Variants in MKX observed in about 807,000 individuals in gnomAD.
The protein encoded by MKX is mohawk homeobox.
MKX carries 13 observed loss-of-function variants against 36.0 expected under a neutral mutation model. The ratio of observed to expected loss-of-function variants is 0.36; its 90% CI spans 0.24 to 0.57. The LOEUF (loss-of-function observed/expected upper bound fraction) is 0.57. MKX is among the 20% of genes least tolerant of loss of function. The pLI is 0.79. For synonymous variants in MKX, 176 were observed against 178.3 expected, an observed-to-expected ratio of 0.99 and a Z score of 0.10; for missense variants, 458 against 456.4, an observed-to-expected ratio of 1.00 and a Z score of -0.03.
At chr10:27,683,124 G>A (rs553970636) in intron 5 of MKX, among the ~76,000 whole-genome samples, 39 of 152,342 alleles carry the variant, frequency 2.6e-4, no homozygotes, top group African/African-American at 8.7e-4. Flanking sequence ...TAATGTGAGC[G>A]ATGGGGGAGC....
intron 5 of MKX, chr10:27,718,428 C>G (rs1277118015): frequency 5.3e-6 from 1 of 189,522 alleles, no homozygotes; most frequent in Non-Finnish European, 1.1e-5. Context: ...TTAAAATAAC[C>G]CAAGTACAAA....
In MKX at chr10:27,720,853, A is replaced by C. The variant is rs76531596; in HGVS notation, c.838+13603T>G. On this transcript the variant is annotated intron_variant, in intron 5 of 6. Coordinates refer to ENST00000419761, the MANE Select transcript of MKX (RefSeq NM_173576.3). ...AATACACAAAACTTACTATCTGAAG[A>C]TGAGATACTTGTGTACTTGAACAAT... 9.9e-4 allele frequency among the ~76,000 whole-genome samples: 150 copies of C among 152,258 alleles called. 2 individuals carry two copies. The East Asian group carries it at 0.025, about 26-fold the overall frequency.
At chr10:27,711,441 TTCTTTCTTTCTTTCTTTCTTTCTTTC>T (rs1438906914) in intron 5 of MKX, among the ~76,000 whole-genome samples, 1 of 35,708 alleles carries the variant, frequency 2.8e-5, no homozygotes, top group East Asian at 1.8e-3. Context: ...CTTTCTTTCT[TTCTTTCTTTCTTTCTTTCTTTCTTTC>T]TTTCTTTCTT....
intron 5 of MKX, among the ~76,000 whole-genome samples, chr10:27,689,834 A>G (rs1210914206): frequency 6.6e-6 from 1 of 152,154 alleles, no homozygotes; most frequent in African/African-American, 2.4e-5. Context: ...TTTAAATGAG[A>G]ACCACTCTGC....
intron 5 of MKX, among the ~76,000 whole-genome samples, chr10:27,698,929 A>G (rs547810149): frequency 6.6e-6 from 1 of 152,354 alleles, no homozygotes; most frequent in South Asian, 2.1e-4. Flanking sequence ...CTTACCACAT[A>G]TATCTAAATA....
chr10:27,678,668 C>T (rs778043361), intron 5 of MKX, among the ~76,000 whole-genome samples: 1 of 152,102 alleles, frequency 6.6e-6, no homozygotes, highest in Non-Finnish European at 1.5e-5. Flanking sequence ...GGAGCCTGCA[C>T]GTGGAAGGAG....
intron 5 of MKX, among the ~76,000 whole-genome samples, chr10:27,690,371 A>AAAAACAAAAC (rs59668453): frequency 0.41 from 61,670 of 149,808 alleles, 13,257 homozygotes; most frequent in Middle Eastern, 0.48. Context: ...CTCCATCTCA[A>AAAAACAAAAC]AAAACAAAAC....
intron 5 of MKX, among the ~76,000 whole-genome samples, chr10:27,726,943 T>C (rs963510197): frequency 2.0e-5 from 3 of 152,096 alleles, no homozygotes; most frequent in Admixed American, 6.6e-5. Context: ...GACACGGTAA[T>C]AAGCACTAGG....
intron 5 of MKX, among the ~76,000 whole-genome samples, chr10:27,717,777 A>C (rs1836991486): frequency 6.6e-6 from 1 of 152,224 alleles, no homozygotes; most frequent in Non-Finnish European, 1.5e-5. Context: ...GTAAAACTCG[A>C]CCTCATCAGC....
chr10:27,743,339 C>T lies in MKX; in HGVS notation c.77G>A (p.Gly26Asp), dbSNP rs1564369935. Residue 26 changes from glycine (G) to aspartate (D), a missense_variant, in exon 2 of 7, where the codon GGT (glycine) becomes GAT (aspartate). Coordinates refer to ENST00000419761, the MANE Select transcript of MKX (RefSeq NM_173576.3). ...CAGGACACCGCTGTAGGGCCGGCCA[C>T]CCCGCTCCCGCTCCGAGGCGCCTCC... ...EDGGASERER[G>D]GRPYSGVLDS... 1.9e-6 allele frequency: 3 copies of T among 1,584,734 alleles called. No individual in the cohort carries two copies. Among genetic ancestry groups the T allele is most frequent in the Admixed American group, 1.8e-5 (1 of 55,670 alleles).
At chr10:27,675,941 C>T (rs1042001987) in intron 5 of MKX, among the ~76,000 whole-genome samples, 12 of 152,152 alleles carry the variant, frequency 7.9e-5, no homozygotes, top group Non-Finnish European at 1.8e-4. Context: ...TTATGACCTC[C>T]CACAATGTCA....
chr10:27,714,095 G>A (rs1473088273), intron 5 of MKX, among the ~76,000 whole-genome samples: 1 of 150,690 alleles, frequency 6.6e-6, no homozygotes, highest in Non-Finnish European at 1.5e-5. Flanking sequence ...CAGGGATTAA[G>A]TCATTCATGA....
At chr10:27,699,146 A>G (rs113597279) in intron 5 of MKX, among the ~76,000 whole-genome samples, 3,551 of 152,324 alleles carry the variant, frequency 0.023, 155 homozygotes, top group African/African-American at 0.08. Context: ...AGAACAGAGG[A>G]TCTGTCTGGC....
Position 27,743,295 on chromosome 10 carries a change from G to T in MKX, c.121C>A (p.Pro41Thr). The stretch of plus-strand genomic sequence containing the variant: ...GGGCCGTCGGGAATGCCCACCTCGG[G>T]GCGGGCGTGAGGACTGTCCAGGACA... Reference protein sequence around the residue: ...SGVLDSPHARPEVGIPDGPPL... With the variant: ...SGVLDSPHARTEVGIPDGPPL... The change falls in exon 2 of 7, where the codon CCC (proline) becomes ACC (threonine). Residue 41 changes from proline to threonine, a missense_variant. By Grantham distance (38) the Pro-to-Thr change is conservative (BLOSUM62 -1). Coordinates refer to ENST00000419761, the MANE Select transcript of MKX (RefSeq NM_173576.3). 1 of 1,554,950 alleles carries T rather than the reference G, an allele frequency of 6.4e-7. No homozygotes were observed. The highest frequency in any genetic ancestry group is 8.6e-7 in the Non-Finnish European group (1 of 1,156,866).
Position 27,674,905 on chromosome 10 carries a change from T to C in MKX, c.*324A>G, listed in dbSNP as rs1564339675. 3 of 224,182 alleles carry C rather than the reference T, an allele frequency of 1.3e-5. No homozygotes were observed. Among genetic ancestry groups the C allele is most frequent in the Non-Finnish European group, 1.8e-5 (2 of 112,838 alleles). The allele number at this position is 224,182 out of a possible 1,614,324, so 13.9% of individuals were successfully genotyped here. ...TGATGCACACAGGCTAATAAGCATA[T>C]GGCGTTGGCATTTTGAGGCATAGCT... is the stretch of plus-strand genomic sequence containing the variant. On this transcript the variant is annotated 3_prime_UTR_variant, in exon 7 of 7. Coordinates refer to ENST00000419761, the MANE Select transcript of MKX (RefSeq NM_173576.3).
At chr10:27,705,920 G>C (rs1235831465) in intron 5 of MKX, among the ~76,000 whole-genome samples, 1 of 152,120 alleles carries the variant, frequency 6.6e-6, no homozygotes, top group Admixed American at 6.5e-5. Context: ...TAACTGTGCA[G>C]TTCTGTGGCA....
chr10:27,680,069 T>C lies in MKX; in HGVS notation c.839-4515A>G, dbSNP rs574234439. On this transcript the variant is annotated intron_variant, in intron 5 of 6. Transcript: ENST00000419761. ...AGACAGGAGAGGGAAGGATTGTGCA[T>C]GTTGTGAAAGAGGGAAAATGCAAGT... is the stretch of plus-strand genomic sequence containing the variant. 9.2e-5 allele frequency among the ~76,000 whole-genome samples: 14 copies of C among 152,078 alleles called. No individual in the cohort carries two copies. The East Asian group carries it at 2.5e-3, about 27-fold the overall frequency.
chr10:27,711,494 T>TCTCTTCCTTC (rs1554772211), intron 5 of MKX, among the ~76,000 whole-genome samples: 381 of 33,918 alleles, frequency 0.011, no homozygotes, highest in East Asian at 0.032. Context: ...TCTCTCTCTC[T>TCTCTTCCTTC]CTTCTTTCCT....
Position 27,675,344 on chromosome 10 carries a change from G to C in MKX, c.944C>G (p.Thr315Arg), listed in dbSNP as rs142115674. The C allele has an allele frequency of 6.2e-7, 1 of 1,614,194 alleles. No homozygotes were observed. Among genetic ancestry groups the C allele is most frequent in the Non-Finnish European group, 8.5e-7 (1 of 1,180,034 alleles). The part of the protein sequence containing the change: ...WKEINAAMAL[T>R]NLAQGKDKLQ... The stretch of plus-strand genomic sequence containing the variant: ...TTTGTCCTTTCCCTGTGCAAGATTT[G>C]TTAAGGCCATAGCTGCGTTGATCTC... The change falls in exon 7 of 7, where the codon ACA becomes AGA. Residue 315 changes from threonine (T) to arginine (R), a missense_variant. Coordinates refer to ENST00000419761, the MANE Select transcript of MKX (RefSeq NM_173576.3).
Sources: gnomAD v4.1 joint callset for allele counts (sites outside exome capture counted in the v4.1 genomes callset) on GRCh38, gnomAD v4.1.1 for gene constraint, MANE v1.5 for transcripts, NCBI Gene and HGNC (gene_info 2026-07-23, HGNC 2026-07-21) for gene names.